Variants in GPC6 observed in about 807,000 individuals in gnomAD.
GPC6 encodes the protein glypican 6, also known as glypican-6.
In GPC6, 14 loss-of-function variants were observed where a neutral mutation model predicts 55.2. The ratio of observed to expected loss-of-function variants is 0.25; its 90% confidence interval spans 0.17 to 0.40. The LOEUF (loss-of-function observed/expected upper bound fraction) is 0.40. GPC6 is among the 10% of genes least tolerant of loss of function. The probability of loss-of-function intolerance (pLI) is 1.00; values close to 1 mark genes in which losing one functional copy is unlikely to be tolerated. For missense variants in GPC6, 641 were observed against 708.5 expected (o/e 0.90, Z 1.08); for synonymous variants, 278 against 259.6 (o/e 1.07, Z -0.68).
chr13:94,196,588 G>A lies in GPC6; in HGVS notation c.878-89761G>A, dbSNP rs1252825224. Among the ~76,000 whole-genome samples the A allele has an allele frequency of 3.9e-5, 6 of 152,158 alleles. No homozygotes were observed. The East Asian group carries it at 1.2e-3, about 29-fold the overall frequency. ...ACATCCACTTCTCCTTAAGGCTACA[G>A]TAAACCTGTCAAGTCAGATTGCTGT... On this transcript the variant is annotated intron_variant, in intron 4 of 8. Coordinates refer to ENST00000377047, the MANE Select transcript of GPC6 (RefSeq NM_005708.5).
At chr13:94,014,174 C>T (rs1285869888) in intron 3 of GPC6, among the ~76,000 whole-genome samples, 1 of 152,074 alleles carries the variant, frequency 6.6e-6, no homozygotes, top group African/African-American at 2.4e-5. Flanking sequence ...AATCAGTATT[C>T]AAATGGAATT....
chr13:94,305,634 T>C (rs1205448815), intron 5 of GPC6, among the ~76,000 whole-genome samples: 2 of 152,216 alleles, frequency 1.3e-5, no homozygotes, highest in South Asian at 2.1e-4. Flanking sequence ...TCAGATTTTT[T>C]GGCACTGTGT....
intron 1 of GPC6, among the ~76,000 whole-genome samples, chr13:93,457,938 A>G (rs1878527507): frequency 6.6e-6 from 1 of 152,196 alleles, no homozygotes; most frequent in Admixed American, 6.5e-5. Context: ...TGAGCCATTA[A>G]TTAGTTCTCC....
At chr13:93,488,914 A>G (rs1594206324) in intron 1 of GPC6, among the ~76,000 whole-genome samples, 1 of 151,930 alleles carries the variant, frequency 6.6e-6, no homozygotes, top group African/African-American at 2.4e-5. Flanking sequence ...CTCCCATTCT[A>G]TAGGTTGCCT....
At chr13:93,292,175 A>G (rs1878339872) in intron 1 of GPC6, among the ~76,000 whole-genome samples, 1 of 152,182 alleles carries the variant, frequency 6.6e-6, no homozygotes, top group Admixed American at 6.6e-5. Context: ...ATTGTATTTC[A>G]AAGTTTGTGT....
chr13:93,770,304 A>G (rs1885250813), intron 2 of GPC6, among the ~76,000 whole-genome samples: 1 of 152,204 alleles, frequency 6.6e-6, no homozygotes, highest in African/African-American at 2.4e-5. Flanking sequence ...TATGTAAAGC[A>G]CTTAATGTAA....
rs547016492 is a variant in GPC6, at chr13:94,275,656, A to C, written c.878-10693A>C. On this transcript the variant is annotated intron_variant, in intron 4 of 8. Coordinates refer to ENST00000377047, the MANE Select transcript of GPC6 (RefSeq NM_005708.5). Reference sequence around the variant, plus strand: ...TGAAGAGAAAAGATAAACAATAACTAAGGGAAAATATTGGTAATTCATGAA... The same window carrying C: ...TGAAGAGAAAAGATAAACAATAACTCAGGGAAAATATTGGTAATTCATGAA... Among the ~76,000 whole-genome samples the C allele has an allele frequency of 3.3e-5, 5 of 152,264 alleles. No individual in the cohort carries two copies. The East Asian group carries it at 9.7e-4, about 29-fold the overall frequency.
At chr13:93,850,657 A>G (rs1352608288) in intron 3 of GPC6, among the ~76,000 whole-genome samples, 1 of 152,002 alleles carries the variant, frequency 6.6e-6, no homozygotes, top group Non-Finnish European at 1.5e-5. Flanking sequence ...TGACCGTAAT[A>G]TGAAAATAAC....
intron 4 of GPC6, among the ~76,000 whole-genome samples, chr13:94,034,610 A>G (rs1165037926): frequency 6.6e-6 from 1 of 152,036 alleles, no homozygotes; most frequent in Non-Finnish European, 1.5e-5. Flanking sequence ...TCGTCATTCT[A>G]GGGGATGTGT....
At chr13:93,355,312 A>G (rs1880806025) in intron 1 of GPC6, among the ~76,000 whole-genome samples, 2 of 152,208 alleles carry the variant, frequency 1.3e-5, no homozygotes, top group Admixed American at 1.3e-4. Context: ...GTAAGGCTAC[A>G]GGGTAAGAGC....
At chr13:93,443,020 C>T (rs571999441) in intron 1 of GPC6, among the ~76,000 whole-genome samples, 1 of 152,104 alleles carries the variant, frequency 6.6e-6, no homozygotes, top group East Asian at 1.9e-4. Flanking sequence ...CAAGTAGAAG[C>T]CTTTATATTA....
chr13:94,019,938 C>T (rs1882632891), intron 3 of GPC6, among the ~76,000 whole-genome samples: 1 of 152,128 alleles, frequency 6.6e-6, no homozygotes, highest in Middle Eastern at 3.4e-3. Context: ...GAAAATTGGT[C>T]GATTTGGTTG....
At chr13:94,322,781 T>C (rs1012488722) in intron 6 of GPC6, among the ~76,000 whole-genome samples, 1 of 151,966 alleles carries the variant, frequency 6.6e-6, no homozygotes, top group Non-Finnish European at 1.5e-5. Flanking sequence ...AGCAGCAGGG[T>C]TGGTCACACG....
At chr13:94,320,485 A>G (rs1048123923) in intron 6 of GPC6, among the ~76,000 whole-genome samples, 1 of 152,084 alleles carries the variant, frequency 6.6e-6, no homozygotes, top group Non-Finnish European at 1.5e-5. Flanking sequence ...AAATTAATCA[A>G]TGGAAAGTCT....
intron 2 of GPC6, among the ~76,000 whole-genome samples, chr13:93,689,547 G>T (rs561671570): frequency 5.9e-5 from 9 of 152,118 alleles, no homozygotes; most frequent in African/African-American, 2.2e-4. Flanking sequence ...ACATAGGAAA[G>T]GCATTCCAGT....
chr13:94,011,716 C>A (rs1200938054), intron 3 of GPC6, among the ~76,000 whole-genome samples: 1 of 152,112 alleles, frequency 6.6e-6, no homozygotes, highest in Non-Finnish European at 1.5e-5. Flanking sequence ...GTGGGAATTC[C>A]GTATGGTGTG....
At chr13:94,176,386 A>G (rs1437292096) in intron 4 of GPC6, among the ~76,000 whole-genome samples, 1 of 152,166 alleles carries the variant, frequency 6.6e-6, no homozygotes, top group Non-Finnish European at 1.5e-5. Context: ...TCGAAGGAAC[A>G]GTAACCTTCA....
chr13:93,927,506 C>T (rs1303795608), intron 3 of GPC6, among the ~76,000 whole-genome samples: 1 of 152,004 alleles, frequency 6.6e-6, no homozygotes, highest in African/African-American at 2.4e-5. Context: ...TAGTGGTTTG[C>T]TTCCTTATCC....
intron 1 of GPC6, among the ~76,000 whole-genome samples, chr13:93,338,478 A>G (rs915531844): frequency 1.3e-5 from 2 of 152,118 alleles, no homozygotes; most frequent in Non-Finnish European, 2.9e-5. Context: ...GACCTTTTGA[A>G]ATTCCACTGT....
Sources: gnomAD v4.1 joint callset for allele counts (sites outside exome capture counted in the v4.1 genomes callset) on GRCh38, gnomAD v4.1.1 for gene constraint, MANE v1.5 for transcripts, NCBI Gene and HGNC (gene_info 2026-07-23, HGNC 2026-07-21) for gene names.